USP33: variants seen among roughly 807,000 people sequenced by gnomAD.
USP33 encodes ubiquitin specific peptidase 33.
USP33 carries 46 observed loss-of-function variants against 124.2 expected under a neutral mutation model. That is an observed-to-expected ratio of 0.37 (90% confidence interval 0.29 to 0.47). USP33 has a LOEUF of 0.47. Ranked by LOEUF, USP33 falls within the 20% of genes least tolerant of loss-of-function variation. The pLI is 0.99. For synonymous variants in USP33, 350 were observed against 352.3 expected, an observed-to-expected ratio of 0.99 and a Z score of 0.07; for missense variants, 851 against 1,070.6, an observed-to-expected ratio of 0.79 and a Z score of 2.86.
chr1:77,754,135 T>G (rs190908126), intron 1 of USP33, among the ~76,000 whole-genome samples: 1 of 152,020 alleles, frequency 6.6e-6, no homozygotes, highest in Admixed American at 6.6e-5. Flanking sequence ...TACACAGAGG[T>G]TGGGTAACTG....
At chr1:77,748,624 G>C (rs1679968618) in intron 1 of USP33, among the ~76,000 whole-genome samples, 1 of 150,622 alleles carries the variant, frequency 6.6e-6, no homozygotes, top group Non-Finnish European at 1.5e-5. Flanking sequence ...AGCCAAGATT[G>C]CGTCACTGCA....
intron 1 of USP33, among the ~76,000 whole-genome samples, chr1:77,750,138 C>A (rs1680158297): frequency 6.6e-6 from 1 of 151,720 alleles, no homozygotes; most frequent in African/African-American, 2.4e-5. Flanking sequence ...GCCAACATGG[C>A]AAAACCCCTT....
At position 77,714,792 on chromosome 1, in the gene USP33, G is replaced by A. The variant is rs369347157; in HGVS notation, c.2046-9C>T. ...CCTCTTCGCTGCTCTTCCTATTAAG[G>A]ACAATGATTAGTTAAATTCAATATG... On this transcript the variant is annotated splice_polypyrimidine_tract_variant and intron_variant, in intron 18 of 23. Transcript: ENST00000370794. The A allele has an allele frequency of 1.0e-5, 16 of 1,606,198 alleles. No homozygotes were observed. Among genetic ancestry groups the A allele is most frequent in the Non-Finnish European group, 1.4e-5 (16 of 1,178,756 alleles).
intron 20 of USP33, 63 bp from the exon 21 acceptor site, chr1:77,711,918 T>C (rs537490953): frequency 3.9e-5 from 57 of 1,459,694 alleles, no homozygotes; most frequent in Non-Finnish European, 5.2e-5. Context: ...TTTAAGTCAG[T>C]GGCCAAATAC....
intron 21 of USP33, 176 bp from the exon 22 acceptor site, chr1:77,701,647 CA>C (rs1270252430): frequency 1.4e-5 from 7 of 487,466 alleles, no homozygotes; most frequent in South Asian, 7.6e-5. Flanking sequence ...AACATCTCTA[CA>C]AAAAAAACAT....
chr1:77,697,993 T>C, intron 22 of USP33, 62 bp from the exon 23 acceptor site: 1 of 1,429,114 alleles, frequency 7.0e-7, no homozygotes, highest in Non-Finnish European at 9.7e-7. Context: ...TGCATAATTT[T>C]GTGCTTGACA....
chr1:77,746,475 C>A (rs1679754031), intron 1 of USP33: 1 of 152,188 alleles, frequency 6.6e-6, no homozygotes, highest in African/African-American at 2.4e-5. Flanking sequence ...ACCATTCCTT[C>A]TGAAACTATT....
intron 7 of USP33, among the ~76,000 whole-genome samples, 167 bp downstream of exon 7, chr1:77,734,180 C>T (rs768411112): frequency 9.2e-5 from 14 of 152,144 alleles, no homozygotes; most frequent in African/African-American, 1.2e-4. Flanking sequence ...CAAGAAACTA[C>T]GGGTATACAT....
chr1:77,702,141 CAAAAAAAAAAAAA>C (rs58750531), intron 21 of USP33, among the ~76,000 whole-genome samples: 35 of 15,782 alleles, frequency 2.2e-3, no homozygotes, highest in South Asian at 0.018. Context: ...GACCCTGTCT[CAAAAAAAAAAAAA>C]AAAAAAAAAA....
At position 77,725,704 on chromosome 1, in the gene USP33, A is replaced by G; in HGVS notation, c.1194T>C (p.Asn398=). Residue 398 remains asparagine, a synonymous_variant, in exon 11 of 24, where the codon AAT becomes AAC. Transcript: ENST00000370794. ...DLSTPQILPS[N]EGVNPRLSAS... is the part of the protein sequence containing the mutation. ...CCGATAAACGTGGATTAACACCTTC[A>G]TTTGATGGAAGGATCTGTGGTGTAG... 1 of 1,614,110 alleles carries G rather than the reference A, an allele frequency of 6.2e-7. No homozygotes were observed. The highest frequency in any genetic ancestry group is 8.5e-7 in the Non-Finnish European group (1 of 1,179,982).
intron 19 of USP33, chr1:77,713,557 CTTTTTT>C (rs1192112747): frequency 7.6e-5 from 11 of 143,900 alleles, no homozygotes; most frequent in South Asian, 1.3e-4. Context: ...GCTAACTTTT[CTTTTTT>C]TTTTTTTTTT....
rs1676119448 is a variant in USP33, at chr1:77,718,016, T to C, written c.1769A>G (p.His590Arg). The C allele has an allele frequency of 3.1e-6, 5 of 1,607,942 alleles. No individual in the cohort carries two copies. The highest frequency in any genetic ancestry group is 4.2e-6 in the Non-Finnish European group (5 of 1,177,654). The change falls in exon 17 of 24, where the codon CAT becomes CGT. Residue 590 changes from histidine to arginine, a missense_variant. Around this residue, in one of 4 missense-constraint regions of USP33, gnomAD observed 281 missense variants for 425.0 expected, o/e 0.66. Coordinates refer to ENST00000370794, the MANE Select transcript of USP33 (RefSeq NM_201624.3). ...GATTTTGGTGGAAAACATTAGTTCA[T>C]GTCTGAATCTTTTAAGGTGGATGCA... is the stretch of plus-strand genomic sequence containing the variant. ...ILCIHLKRFR[H>R]ELMFSTKIST... is the part of the protein sequence containing the mutation.
intron 1 of USP33, among the ~76,000 whole-genome samples, chr1:77,742,442 T>C (rs896307749): frequency 6.6e-6 from 1 of 152,136 alleles, no homozygotes; most frequent in South Asian, 2.1e-4. Context: ...CTCTAGACTG[T>C]TTTAAATTAT....
intron 21 of USP33, among the ~76,000 whole-genome samples, chr1:77,708,657 T>C (rs769358104): frequency 6.6e-6 from 1 of 152,218 alleles, no homozygotes; most frequent in Non-Finnish European, 1.5e-5. Flanking sequence ...TTTCTTTACC[T>C]AGTTTGATTT....
At chr1:77,742,598 T>C (rs1679251447) in intron 1 of USP33, among the ~76,000 whole-genome samples, 1 of 152,184 alleles carries the variant, frequency 6.6e-6, no homozygotes, top group Non-Finnish European at 1.5e-5. Context: ...TTGGTTCAAG[T>C]AAAGCGAGTG....
chr1:77,718,195 T>G lies in USP33; in HGVS notation c.1738-148A>C, dbSNP rs1225367668. ...AATTATGAAGTTATTTAGATTTTTA[T>G]TTCGTTTTAAATGCTAGATAAAGCA... On this transcript the variant is annotated intron_variant, in intron 16 of 23. Coordinates refer to ENST00000370794, the MANE Select transcript of USP33 (RefSeq NM_201624.3). 2.4e-5 allele frequency: 18 copies of G among 761,218 alleles called. No homozygotes were observed. The South Asian group carries it at 3.3e-4, about 14-fold the overall frequency. The allele number at this position is 761,218 out of a possible 1,614,324, so 47.2% of individuals were successfully genotyped here.
chr1:77,748,282 C>T (rs987962172), intron 1 of USP33, among the ~76,000 whole-genome samples: 2 of 152,260 alleles, frequency 1.3e-5, no homozygotes, highest in East Asian at 1.9e-4. Flanking sequence ...TGATCATGGG[C>T]ATCCCCAAGT....
chr1:77,733,200 C>T (rs796860432), intron 7 of USP33, among the ~76,000 whole-genome samples: 13 of 152,182 alleles, frequency 8.5e-5, no homozygotes, highest in African/African-American at 3.1e-4. Context: ...TGAAAACCAG[C>T]CTAGGCAACA....
chr1:77,701,938 G>A (rs1674060369), intron 21 of USP33, among the ~76,000 whole-genome samples: 1 of 148,592 alleles, frequency 6.7e-6, no homozygotes, highest in Admixed American at 6.7e-5. Flanking sequence ...AAAGTGCTGG[G>A]ATTACAGATG....
Sources: gnomAD v4.1 joint callset for allele counts (sites outside exome capture counted in the v4.1 genomes callset) on GRCh38, gnomAD v4.1.1 for gene constraint, gnomAD v4.1.1 regional missense constraint, MANE v1.5 for transcripts, NCBI Gene and HGNC (gene_info 2026-07-23, HGNC 2026-07-21) for gene names.